The following C6orf52 variants were observed in gnomAD, a reference collection of about 807,000 sequenced individuals.
C6orf52 encodes putative uncharacterized protein C6orf52.
A neutral mutation model predicts 16.6 loss-of-function variants in C6orf52; 16 were observed. The observed-to-expected ratio is 0.96, with a 90% CI of 0.65 to 1.46. C6orf52 has a LOEUF of 1.46. C6orf52 is among the 40% of genes most tolerant of loss of function. C6orf52 has a pLI of 0.00. For synonymous variants in C6orf52, 53 were observed against 61.4 expected (o/e 0.86, Z 0.64); for missense variants, 166 against 182.3 (o/e 0.91, Z 0.52).
chr6:10,694,566 C>T lies in C6orf52; in HGVS notation c.-84G>A, dbSNP rs1769693071. 1 of 183,490 alleles carries T rather than the reference C, an allele frequency of 5.4e-6. No homozygotes were observed. Among genetic ancestry groups the T allele is most frequent in the African/African-American group, 2.4e-5 (1 of 42,028 alleles). The allele number at this position is 183,490 out of a possible 1,614,324, so 11.4% of individuals were successfully genotyped here. Reference sequence around the variant, plus strand: ...TCCTACCCTACTAGTACACAGCCCACAACAATGCACGCTGCCGGCGCTACA... The same window carrying T: ...TCCTACCCTACTAGTACACAGCCCATAACAATGCACGCTGCCGGCGCTACA... On this transcript the variant is annotated 5_prime_UTR_variant, in exon 1 of 5. The change creates a new upstream start codon in the 5' untranslated region. Coordinates refer to ENST00000259983, the MANE Select transcript of C6orf52 (RefSeq NM_001145020.3).
chr6:10,683,264 A>C, intron 3 of C6orf52, 32 bp from the exon 4 acceptor site: 1 of 1,444,546 alleles, frequency 6.9e-7, no homozygotes, highest in Non-Finnish European at 9.5e-7. Flanking sequence ...TGAGAAAATA[A>C]TTTTACTTAA....
At position 10,687,421 on chromosome 6, in the gene C6orf52, T is replaced by C. The variant is rs1056263178; in HGVS notation, c.71+59A>G. ...GCCATAGTTTGTAAGTTACCAACAG[T>C]TATGTAGCAAATAGAACAGTAACAG... On this transcript the variant is annotated intron_variant, in intron 2 of 4. Transcript: ENST00000259983. 7.2e-6 allele frequency: 9 copies of C among 1,247,088 alleles called. No homozygotes were observed. The African/African-American group carries it at 1.4e-4, about 19-fold the overall frequency. The allele number at this position is 1,247,088 out of a possible 1,614,324, so 77.3% of individuals were successfully genotyped here.
intron 1 of C6orf52, among the ~76,000 whole-genome samples, chr6:10,691,881 T>A (rs761816501): frequency 6.6e-6 from 1 of 152,190 alleles, no homozygotes; most frequent in Non-Finnish European, 1.5e-5. Context: ...ATGTTCATGG[T>A]GCTTACACCA....
chr6:10,677,173 T>A (rs546950255), intron 4 of C6orf52, among the ~76,000 whole-genome samples: 2 of 152,348 alleles, frequency 1.3e-5, no homozygotes, highest in South Asian at 4.1e-4. Context: ...GTCTTTAATC[T>A]ATTTTGAGTT....
chr6:10,689,318 C>T (rs374484271), intron 1 of C6orf52, among the ~76,000 whole-genome samples: 1 of 152,200 alleles, frequency 6.6e-6, no homozygotes, highest in Non-Finnish European at 1.5e-5. Flanking sequence ...GGATGCAGAA[C>T]CCACAGACGC....
intron 1 of C6orf52, among the ~76,000 whole-genome samples, chr6:10,693,128 T>G (rs1025491440): frequency 6.6e-6 from 1 of 152,196 alleles, no homozygotes; most frequent in Non-Finnish European, 1.5e-5. Flanking sequence ...CCCAGGCACG[T>G]TCCAGCTCAC....
intron 1 of C6orf52, among the ~76,000 whole-genome samples, chr6:10,691,424 T>A (rs927571450): frequency 6.6e-6 from 1 of 152,090 alleles, no homozygotes; most frequent in Non-Finnish European, 1.5e-5. Context: ...GGGGGCTGCA[T>A]GCACCGGTAA....
intron 3 of C6orf52, among the ~76,000 whole-genome samples, chr6:10,686,704 A>G (rs1768894690): frequency 6.6e-6 from 1 of 152,212 alleles, no homozygotes; most frequent in Non-Finnish European, 1.5e-5. Flanking sequence ...CTGCAAGTGA[A>G]CACTTCTAGT....
chr6:10,681,606 A>G lies in C6orf52; in HGVS notation c.316+1581T>C, dbSNP rs368351150. Among the ~76,000 whole-genome samples, 19 of 152,318 alleles carry G rather than the reference A, an allele frequency of 1.2e-4. No homozygotes were observed. The South Asian group carries it at 3.9e-3, about 32-fold the overall frequency. On this transcript the variant is annotated intron_variant, in intron 4 of 4. Coordinates refer to ENST00000259983, the MANE Select transcript of C6orf52 (RefSeq NM_001145020.3). ...TATGGCAGCAGCTGTTTAACCACCTAAAAGTACTGTAGACCTAGCATACCC... is the reference window on the plus strand; with the variant it reads ...TATGGCAGCAGCTGTTTAACCACCTGAAAGTACTGTAGACCTAGCATACCC...
At position 10,687,102 on chromosome 6, in the gene C6orf52, T is replaced by A. The variant is rs1425762257; in HGVS notation, c.134A>T (p.Asn45Ile). Reference sequence around the variant, plus strand: ...AGAGCCGTGCTGTCGCGCATACCAGTTGCCATAGCGGTAACTCTGGCTGGG... The same window carrying A: ...AGAGCCGTGCTGTCGCGCATACCAGATGCCATAGCGGTAACTCTGGCTGGG... Reference protein sequence around the residue: ...FQPSQSYRYGNWYARQHGSYL... With the variant: ...FQPSQSYRYGIWYARQHGSYL... The change falls in exon 3 of 5, where the codon AAC (asparagine) becomes ATC (isoleucine). Residue 45 changes from asparagine (N) to isoleucine (I), a missense_variant. Coordinates refer to ENST00000259983, the MANE Select transcript of C6orf52 (RefSeq NM_001145020.3). 3.2e-6 allele frequency: 5 copies of A among 1,551,960 alleles called. No homozygotes were observed. The highest frequency in any genetic ancestry group is 3.5e-6 in the Non-Finnish European group (4 of 1,146,952).
chr6:10,689,392 G>A (rs1217457419), intron 1 of C6orf52, among the ~76,000 whole-genome samples: 1 of 152,230 alleles, frequency 6.6e-6, no homozygotes, highest in African/African-American at 2.4e-5. Context: ...AGTTTATAGA[G>A]AGTGGATTTC....
At chr6:10,678,262 A>G (rs2127462821) in intron 4 of C6orf52, among the ~76,000 whole-genome samples, 1 of 151,878 alleles carries the variant, frequency 6.6e-6, no homozygotes, top group African/African-American at 2.4e-5. Flanking sequence ...GAACATTTTA[A>G]TAATATTCAT....
At position 10,694,537 on chromosome 6, in the gene C6orf52, A is replaced by G; in HGVS notation, c.-55T>C. ...CCTCGTTCCGCTGGTCCCTGAACAA[A>G]AACTCCTACCCTACTAGTACACAGC... On this transcript the variant is annotated 5_prime_UTR_variant, in exon 1 of 5. Coordinates refer to ENST00000259983, the MANE Select transcript of C6orf52 (RefSeq NM_001145020.3). The G allele has an allele frequency of 6.4e-6, 1 of 156,818 alleles. No homozygotes were observed. The highest frequency in any genetic ancestry group is 1.4e-5 in the Non-Finnish European group (1 of 69,870). The allele number at this position is 156,818 out of a possible 1,614,324, so 9.7% of individuals were successfully genotyped here.
At chr6:10,677,444 G>A (rs557311660) in intron 4 of C6orf52, among the ~76,000 whole-genome samples, 1 of 149,330 alleles carries the variant, frequency 6.7e-6, no homozygotes, top group South Asian at 2.1e-4. Flanking sequence ...CAGGTAGTGT[G>A]ATGCCTTCAC....
At chr6:10,685,291 G>T (rs1768777139) in intron 3 of C6orf52, among the ~76,000 whole-genome samples, 1 of 149,112 alleles carries the variant, frequency 6.7e-6, no homozygotes, top group African/African-American at 2.5e-5. Context: ...GCAATGTAGT[G>T]AAAGATTTTT....
At chr6:10,691,687 T>A (rs1430107560) in intron 1 of C6orf52, among the ~76,000 whole-genome samples, 1 of 152,088 alleles carries the variant, frequency 6.6e-6, no homozygotes, top group Non-Finnish European at 1.5e-5. Context: ...CCTCCAAAAA[T>A]GTATATCCAC....
chr6:10,676,840 C>T (rs1259298860), intron 4 of C6orf52, among the ~76,000 whole-genome samples: 1 of 152,208 alleles, frequency 6.6e-6, no homozygotes, highest in Admixed American at 6.5e-5. Flanking sequence ...CACTCCTTAA[C>T]CCACCCACAT....
Position 10,671,443 on chromosome 6 carries a change from T to C in C6orf52, c.*13A>G, listed in dbSNP as rs1315530402. The C allele has an allele frequency of 6.6e-7, 1 of 1,523,592 alleles. No individual in the cohort carries two copies. Among genetic ancestry groups the C allele is most frequent in the Non-Finnish European group, 8.8e-7 (1 of 1,138,966 alleles). The allele number at this position is 1,523,592 out of a possible 1,614,324, so 94.4% of individuals were successfully genotyped here. ...TTAGTATGATAATTGCGGAGTTTAA[T>C]GAACACCTTGCTTCACTTCGGGGTC... is the stretch of plus-strand genomic sequence containing the variant. On this transcript the variant is annotated 3_prime_UTR_variant, in exon 5 of 5. Transcript: ENST00000259983.
rs114111972 is a variant in C6orf52, at chr6:10,693,449, C to G, written c.-12+1045G>C. Among the ~76,000 whole-genome samples the G allele has an allele frequency of 5.8e-3, 876 of 152,332 alleles. 8 individuals carry two copies. Among genetic ancestry groups the G allele is most frequent in the African/African-American group, 0.02 (831 of 41,592 alleles). On this transcript the variant is annotated intron_variant, in intron 1 of 4. Transcript: ENST00000259983. Reference sequence around the variant, plus strand: ...ACAACCAAAGCATCCCAAATGAAATCATTTCTGCAAGACCCAAACTAGCCT... The same window carrying G: ...ACAACCAAAGCATCCCAAATGAAATGATTTCTGCAAGACCCAAACTAGCCT...
Sources: allele counts gnomAD v4.1 joint callset (sites outside exome capture counted in the v4.1 genomes callset), GRCh38; gene constraint gnomAD v4.1.1; transcripts MANE v1.5; gene names NCBI Gene and HGNC (gene_info 2026-07-23, HGNC 2026-07-21).